PCDH15: variants seen among roughly 807,000 people sequenced by gnomAD.
The protein encoded by PCDH15 is protocadherin-15.
PCDH15 carries 129 observed loss-of-function variants against 178.5 expected under a neutral mutation model. The observed-to-expected ratio is 0.72, with a 90% CI of 0.63 to 0.84. The LOEUF (loss-of-function observed/expected upper bound fraction) is 0.84. PCDH15 is among the 40% of genes least tolerant of loss of function. The pLI is 0.00. For missense variants in PCDH15, 2,230 were observed against 2,099.9 expected, an observed-to-expected ratio of 1.06 and a Z score of -1.21; for synonymous variants, 800 against 732.0, an observed-to-expected ratio of 1.09 and a Z score of -1.50.
At chr10:54,949,373 G>T (rs912817193) in intron 2 of PCDH15, among the ~76,000 whole-genome samples, 3 of 151,778 alleles carry the variant, frequency 2.0e-5, no homozygotes, top group African/African-American at 7.3e-5. Context: ...TAGATCATGA[G>T]AATTTACTCA....
chr10:55,446,913 ATAAAT>A (rs1374691966), intron 2 of PCDH15, among the ~76,000 whole-genome samples: 1 of 152,104 alleles, frequency 6.6e-6, no homozygotes, highest in East Asian at 1.9e-4. Flanking sequence ...AAGTGAGAAA[ATAAAT>A]GAGCATTGTA....
At chr10:54,776,210 C>T (rs935186610) in intron 1 of PCDH15, among the ~76,000 whole-genome samples, 3 of 152,128 alleles carry the variant, frequency 2.0e-5, no homozygotes, top group Admixed American at 1.3e-4. Context: ...CCATGACAAT[C>T]ACGAATAGTG....
intron 1 of PCDH15, among the ~76,000 whole-genome samples, chr10:55,237,632 T>G (rs1422239380): frequency 6.6e-6 from 1 of 152,132 alleles, no homozygotes. Context: ...ATTCAGAAAT[T>G]TGGCTACTTA....
rs200489901 is a variant in PCDH15 at position 53,949,961 on chromosome 10, C to A, written c.3123-8986G>T. 1.1e-4 allele frequency among the ~76,000 whole-genome samples: 16 copies of A among 152,084 alleles called. No homozygotes were observed. The East Asian group carries it at 2.3e-3, about 22-fold the overall frequency. On this transcript the variant is annotated intron_variant, in intron 23 of 37. Coordinates refer to ENST00000644397, the MANE Select transcript of PCDH15 (RefSeq NM_001384140.1). ...TTGTTAAATATACTCTAATTTTATT[C>A]TTTAATATAAAGCTTCTTGAGAAAC...
intron 3 of PCDH15, among the ~76,000 whole-genome samples, chr10:54,813,061 C>G (rs992783752): frequency 1.3e-5 from 2 of 152,184 alleles, no homozygotes; most frequent in Non-Finnish European, 2.9e-5. Flanking sequence ...TCAGAACCTC[C>G]AACAACCTAG....
chr10:54,355,118 T>G (rs1588995860), intron 5 of PCDH15, among the ~76,000 whole-genome samples: 1 of 63,954 alleles, frequency 1.6e-5, no homozygotes, highest in South Asian at 4.2e-4. Flanking sequence ...ACAGGAGGAT[T>G]GCAAAAAAAA....
rs1298932469 is a variant in PCDH15, at chr10:55,212,944, C to T, written c.-155-46293G>A. On this transcript the variant is annotated intron_variant, in intron 1 of 5. Coordinates refer to the PCDH15 transcript ENST00000458638. ...GGGAATAGTTTTTAGTAAATTACAG[C>T]ATGTATTCTTATTATAAGGTAGAAC... is the stretch of plus-strand genomic sequence containing the variant. Among the ~76,000 whole-genome samples, 3 of 152,070 alleles carry T rather than the reference C, an allele frequency of 2.0e-5. 1 individual carries two copies. The highest frequency in any genetic ancestry group is 7.3e-5 in the African/African-American group (3 of 41,362).
chr10:54,096,938 C>T (rs1337344257), intron 15 of PCDH15, among the ~76,000 whole-genome samples: 1 of 152,194 alleles, frequency 6.6e-6, no homozygotes, highest in Admixed American at 6.6e-5. Context: ...TCCAGTTACT[C>T]AAGCTGTATC....
At chr10:55,156,730 G>A (rs892863829) in intron 2 of PCDH15, among the ~76,000 whole-genome samples, 3 of 152,094 alleles carry the variant, frequency 2.0e-5, no homozygotes, top group Non-Finnish European at 2.9e-5. Context: ...CCTTATTCCA[G>A]AGGGGGAGTT....
intron 2 of PCDH15, among the ~76,000 whole-genome samples, chr10:54,980,391 C>CATTTCTTATTTTATTAT (rs1305795134): frequency 2.0e-5 from 3 of 151,822 alleles, no homozygotes; most frequent in Non-Finnish European, 1.5e-5. Flanking sequence ...CCAGGCAAAA[C>CATTTCTTATTTTATTAT]ATTTCTTATT....
intron 17 of PCDH15, among the ~76,000 whole-genome samples, chr10:54,078,513 G>T (rs1481724836): frequency 6.6e-6 from 1 of 151,806 alleles, no homozygotes; most frequent in African/African-American, 2.4e-5. Context: ...AATTGAGTGA[G>T]CCTTGCTTAT....
At chr10:55,544,868 G>A (rs546026456) in intron 2 of PCDH15, among the ~76,000 whole-genome samples, 3 of 152,194 alleles carry the variant, frequency 2.0e-5, no homozygotes, top group South Asian at 4.1e-4. Flanking sequence ...AGGTAAAGGA[G>A]GTCACTTTTA....
chr10:54,684,818 T>TAGC (rs2094964330), intron 1 of PCDH15, among the ~76,000 whole-genome samples: 1 of 139,782 alleles, frequency 7.2e-6, no homozygotes, highest in African/African-American at 2.6e-5. Context: ...CCTATAGTAG[T>TAGC]GTGTATTAGA....
intron 3 of PCDH15, among the ~76,000 whole-genome samples, chr10:54,506,730 G>A (rs1183568877): frequency 7.2e-5 from 11 of 151,992 alleles, no homozygotes; most frequent in Admixed American, 7.2e-4. Context: ...TAAGGTGAAT[G>A]TAAGAAAGCC....
rs1841065568 is a variant in PCDH15, at chr10:53,805,029, T to A, written c.*1550A>T. Reference sequence around the variant, plus strand: ...ATGTTACTGTATTTGATCTCAAATATTTTCTTGGAAATCTGAAGTAAAAAC... The same window carrying A: ...ATGTTACTGTATTTGATCTCAAATAATTTCTTGGAAATCTGAAGTAAAAAC... On this transcript the variant is annotated 3_prime_UTR_variant, in exon 38 of 38. Coordinates refer to ENST00000644397, the MANE Select transcript of PCDH15 (RefSeq NM_001384140.1). 1 of 152,030 alleles carries A rather than the reference T, an allele frequency of 6.6e-6. No individual in the cohort carries two copies. Among genetic ancestry groups the A allele is most frequent in the African/African-American group, 2.4e-5 (1 of 41,422 alleles). 9.4% of individuals were successfully genotyped at this position (152,030 alleles called of 1,614,324 possible).
intron 11 of PCDH15, among the ~76,000 whole-genome samples, chr10:54,189,919 A>ATGTGTGTGTGTGTGTGTGTG (rs531733552): frequency 3.7e-5 from 4 of 108,750 alleles, no homozygotes; most frequent in African/African-American, 1.3e-4. Flanking sequence ...GTATACATGC[A>ATGTGTGTGTGTGTGTGTGTG]TGTGTATGTG....
Position 53,831,355 on chromosome 10 carries a change from A to G in PCDH15, c.4162T>C (p.Cys1388Arg). The G allele has an allele frequency of 6.2e-7, 1 of 1,614,128 alleles. No homozygotes were observed. Among genetic ancestry groups the G allele is most frequent in the Non-Finnish European group, 8.5e-7 (1 of 1,180,020 alleles). Residue 1388 changes from cysteine to arginine, a missense_variant, in exon 30 of 38, where the codon TGC (cysteine) becomes CGC (arginine). By Grantham distance (180) the Cys-to-Arg change is radical (BLOSUM62 -3). Transcript: ENST00000644397. ...LALAFIIILC[C>R]IPAILVVLVS... Reference sequence around the variant, plus strand: ...AAAACCACCAAGATGGCAGGAATGCAGCAGAGGATGATGATGAAGGCCAGA... The same window carrying G: ...AAAACCACCAAGATGGCAGGAATGCGGCAGAGGATGATGATGAAGGCCAGA...
chr10:55,547,910 T>TGTGTGTGTGTGAGAGA (rs541144266), intron 2 of PCDH15, among the ~76,000 whole-genome samples: 2 of 54,530 alleles, frequency 3.7e-5, no homozygotes, highest in East Asian at 5.5e-4. Context: ...TGTGTGTGTG[T>TGTGTGTGTGTGAGAGA]GAGAGAGAGA....
intron 2 of PCDH15, among the ~76,000 whole-genome samples, chr10:55,608,083 C>T (rs1057169191): frequency 1.1e-4 from 17 of 151,936 alleles, no homozygotes; most frequent in East Asian, 3.9e-4. Context: ...TAGATAAAGA[C>T]GGGAGCGTCT....
Sources: allele counts gnomAD v4.1 joint callset (sites outside exome capture counted in the v4.1 genomes callset), GRCh38; gene constraint gnomAD v4.1.1; transcripts MANE v1.5; gene names NCBI Gene and HGNC (gene_info 2026-07-23, HGNC 2026-07-21).